Variants in NPAS3 observed in about 807,000 individuals in gnomAD.
The protein encoded by NPAS3 is neuronal PAS domain protein 3, also known as neuronal PAS domain-containing protein 3.
In NPAS3, 14 loss-of-function variants were observed where a neutral mutation model predicts 73.1. The observed-to-expected ratio is 0.19, with a 90% CI of 0.13 to 0.30. The LOEUF (loss-of-function observed/expected upper bound fraction) is 0.30. NPAS3 is among the 10% of genes least tolerant of loss of function. The probability of loss-of-function intolerance (pLI) is 1.00; values close to 1 mark genes in which losing one functional copy is unlikely to be tolerated. For synonymous variants in NPAS3, 620 were observed against 541.5 expected (o/e 1.14, Z -2.01); for missense variants, 1,096 against 1,250.0 (o/e 0.88, Z 1.86).
intron 2 of NPAS3, among the ~76,000 whole-genome samples, chr14:33,146,557 A>T (rs1044658341): frequency 1.2e-4 from 19 of 152,202 alleles, no homozygotes; most frequent in African/African-American, 4.6e-4. Context: ...AATAAGACAC[A>T]ATCCCTGCTC....
At chr14:33,709,973 C>T (rs1036291053) in intron 6 of NPAS3, among the ~76,000 whole-genome samples, 7 of 152,232 alleles carry the variant, frequency 4.6e-5, no homozygotes, top group Non-Finnish European at 1.0e-4. Flanking sequence ...GACTTCAACA[C>T]TCACACTTGT....
At chr14:33,743,620 T>C (rs76410589) in intron 7 of NPAS3, among the ~76,000 whole-genome samples, 11,546 of 152,254 alleles carry the variant, frequency 0.076, 936 homozygotes, top group African/African-American at 0.21. Flanking sequence ...ATTAGCTCCT[T>C]ACAAGAAAAT....
At chr14:33,067,437 A>T (rs2041318964) in intron 2 of NPAS3, among the ~76,000 whole-genome samples, 1 of 152,212 alleles carries the variant, frequency 6.6e-6, no homozygotes, top group Non-Finnish European at 1.5e-5. Context: ...TGTGGTTATC[A>T]CATAGAAATG....
Position 33,412,739 on chromosome 14 carries a change from TTACC to T in NPAS3, c.468+45473_468+45476del, listed in dbSNP as rs142160647. Among the ~76,000 whole-genome samples the T allele has an allele frequency of 4.3e-3, 654 of 152,296 alleles. 3 individuals are homozygous for T. Among genetic ancestry groups the T allele is most frequent in the African/African-American group, 0.015 (622 of 41,566 alleles). On this transcript the variant is annotated intron_variant, in intron 4 of 11. Transcript: ENST00000356141. ...GCCACCTAATCTGTTTGACATTTTC[TTACC>T]TGTAGAGTGGGGATGTAAAACTATA...
chr14:32,977,356 G>GCACGCACACACA (rs71432100), intron 1 of NPAS3, among the ~76,000 whole-genome samples: 2,101 of 141,488 alleles, frequency 0.015, 19 homozygotes, highest in Middle Eastern at 0.05. Context: ...TCTCTGACAC[G>GCACGCACACACA]CACACACACA....
intron 4 of NPAS3, among the ~76,000 whole-genome samples, chr14:33,403,927 TC>T (rs1379006580): frequency 6.6e-6 from 1 of 152,092 alleles, no homozygotes; most frequent in Non-Finnish European, 1.5e-5. Context: ...TCCTACATCC[TC>T]CTGCTGACCA....
chr14:33,384,414 GT>G (rs200211528), intron 4 of NPAS3, among the ~76,000 whole-genome samples: 8 of 148,436 alleles, frequency 5.4e-5, no homozygotes, highest in African/African-American at 1.7e-4. Flanking sequence ...ATGTTTCTGT[GT>G]TTTTTTAAAA....
chr14:33,634,136 T>A (rs1391582689), intron 5 of NPAS3, among the ~76,000 whole-genome samples: 1 of 152,198 alleles, frequency 6.6e-6, no homozygotes, highest in Admixed American at 6.5e-5. Context: ...GAAACTCGAA[T>A]TGGGTCAAAA....
intron 1 of NPAS3, among the ~76,000 whole-genome samples, chr14:32,972,862 A>T (rs2037494756): frequency 6.6e-6 from 1 of 152,178 alleles, no homozygotes; most frequent in Admixed American, 6.5e-5. Context: ...TCATTTCAGG[A>T]TTACTCACAA....
At chr14:33,041,893 T>C (rs2040359028) in intron 1 of NPAS3, among the ~76,000 whole-genome samples, 1 of 152,130 alleles carries the variant, frequency 6.6e-6, no homozygotes, top group Non-Finnish European at 1.5e-5. Context: ...GTCTGGTGTC[T>C]CACTGTCCAG....
chr14:33,700,590 A>C (rs2060499437), intron 6 of NPAS3, among the ~76,000 whole-genome samples: 1 of 152,204 alleles, frequency 6.6e-6, no homozygotes, highest in Non-Finnish European at 1.5e-5. Flanking sequence ...TGTCTACAGG[A>C]AGAAGTTCTG....
intron 5 of NPAS3, among the ~76,000 whole-genome samples, chr14:33,602,778 C>T (rs1481544382): frequency 6.6e-6 from 1 of 152,110 alleles, no homozygotes; most frequent in African/African-American, 2.4e-5. Context: ...ATAATAGATG[C>T]CACTTATTCA....
chr14:33,406,591 T>G (rs1269224512), intron 4 of NPAS3, among the ~76,000 whole-genome samples: 1 of 152,102 alleles, frequency 6.6e-6, no homozygotes, highest in Non-Finnish European at 1.5e-5. Flanking sequence ...GCCTCCACCT[T>G]TACCAAAAAG....
intron 1 of NPAS3, among the ~76,000 whole-genome samples, chr14:33,043,554 T>G (rs1293222317): frequency 1.3e-5 from 2 of 152,158 alleles, no homozygotes; most frequent in Non-Finnish European, 2.9e-5. Flanking sequence ...CCAGAGCATT[T>G]GCCTAACTCT....
chr14:33,535,565 C>T (rs1330126975), intron 4 of NPAS3, among the ~76,000 whole-genome samples: 1 of 152,152 alleles, frequency 6.6e-6, no homozygotes, highest in Non-Finnish European at 1.5e-5. Flanking sequence ...TGGGTTAGTT[C>T]CCAACACATA....
intron 4 of NPAS3, among the ~76,000 whole-genome samples, chr14:33,500,533 C>T (rs1346108685): frequency 2.0e-5 from 3 of 151,750 alleles, no homozygotes; most frequent in Non-Finnish European, 4.4e-5. Context: ...GCACTTTTTC[C>T]GGGACCAAGT....
At chr14:33,771,286 C>A (rs1206217725) in intron 7 of NPAS3, among the ~76,000 whole-genome samples, 1 of 152,062 alleles carries the variant, frequency 6.6e-6, no homozygotes, top group Non-Finnish European at 1.5e-5. Flanking sequence ...AACAGATATC[C>A]CTTTCTTCTC....
In NPAS3 at chr14:33,800,418, G is replaced by A. The variant is rs776911168; in HGVS notation, c.2111G>A (p.Gly704Asp). 8.0e-5 allele frequency: 128 copies of A among 1,595,716 alleles called. No homozygotes were observed. The highest frequency in any genetic ancestry group is 1.0e-4 in the Non-Finnish European group (123 of 1,174,248). Residue 704 changes from glycine (G) to aspartate (D), a missense_variant, in exon 12 of 12, where the codon GGC becomes GAC. Coordinates refer to ENST00000356141, the Ensembl canonical transcript of NPAS3. This position sits in a 1 kb window ranked among gnomAD's most constrained non-coding sequence, Gnocchi z 6.5. ...GGCGGCGGCGGTGGGGGTGGCGGTG[G>A]CGGGGGGCTGCACGTGGCCATTCCC...
chr14:33,796,649 T>A (rs1297572048), intron 10 of NPAS3, among the ~76,000 whole-genome samples: 1 of 152,156 alleles, frequency 6.6e-6, no homozygotes, highest in Non-Finnish European at 1.5e-5. Flanking sequence ...AGGAGCCTAC[T>A]CTCCTCATCC....
Sources: gnomAD v4.1 joint callset for allele counts (sites outside exome capture counted in the v4.1 genomes callset) on GRCh38, gnomAD v4.1.1 for gene constraint, Gnocchi (gnomAD v3.1) non-coding constraint, MANE v1.5 for transcripts, NCBI Gene and HGNC (gene_info 2026-07-23, HGNC 2026-07-21) for gene names.